DFFA: variants seen among roughly 807,000 people sequenced by gnomAD.
DFFA encodes DNA fragmentation factor subunit alpha, also known as DFF45.
Under a neutral mutation model 28.0 loss-of-function variants are expected in DFFA, and 14 were observed. The ratio of observed to expected loss-of-function variants is 0.50; its 90% confidence interval spans 0.33 to 0.78. DFFA has a LOEUF of 0.78. Ranked by LOEUF, DFFA falls within the 30% of genes least tolerant of loss-of-function variation. The pLI, the probability that DFFA is intolerant of heterozygous loss-of-function variation, is 0.02. For missense variants in DFFA, 395 were observed against 407.1 expected (o/e 0.97, Z 0.26); for synonymous variants, 158 against 170.3 (o/e 0.93, Z 0.56).
At chr1:10,464,905 G>A (rs1197406986) in intron 3 of DFFA, among the ~76,000 whole-genome samples, 2 of 152,132 alleles carry the variant, frequency 1.3e-5, no homozygotes, top group Admixed American at 6.5e-5. Flanking sequence ...TGGCTTGTTC[G>A]CCACTGCACA....
At position 10,458,369 on chromosome 1, in the gene DFFA, G is replaced by C. The variant is rs1485098335; in HGVS notation, c.*3121C>G. 1 of 152,094 alleles carries C rather than the reference G, an allele frequency of 6.6e-6. No homozygotes were observed. Among genetic ancestry groups the C allele is most frequent in the Non-Finnish European group, 1.5e-5 (1 of 68,026 alleles). 9.4% of individuals were successfully genotyped at this position (152,094 alleles called of 1,614,324 possible). A position where few individuals can be genotyped will look rare whatever the true frequency, so the allele number is the denominator to read the frequency against. On this transcript the variant is annotated 3_prime_UTR_variant, in exon 6 of 6. Transcript: ENST00000377038. ...TAATTAAGGAGGCATTACAAAATAAGCTATAAAAAAGGAAATGTTGGGGTG... is the reference window on the plus strand; with the variant it reads ...TAATTAAGGAGGCATTACAAAATAACCTATAAAAAAGGAAATGTTGGGGTG...
At position 10,461,201 on chromosome 1, in the gene DFFA, C is replaced by A; in HGVS notation, c.*289G>T. 1 of 345,252 alleles carries A rather than the reference C, an allele frequency of 2.9e-6. No individual in the cohort carries two copies. 21.4% of individuals were successfully genotyped at this position (345,252 alleles called of 1,614,324 possible). ...GGGATTACAGGCGTGAGCCACTGCG[C>A]CTGGCCAATCACTGCCAATTACTTT... On this transcript the variant is annotated 3_prime_UTR_variant, in exon 6 of 6. Coordinates refer to ENST00000377038, the MANE Select transcript of DFFA (RefSeq NM_004401.3).
In DFFA at chr1:10,459,666, G is replaced by A. The variant is rs988570749; in HGVS notation, c.*1824C>T. On this transcript the variant is annotated 3_prime_UTR_variant, in exon 6 of 6. Coordinates refer to ENST00000377038, the MANE Select transcript of DFFA (RefSeq NM_004401.3). ...TTAAAATTCTGCCGTACTATCTTCAGAATAAGGATAATGAATTGGAAATAC... is the reference window on the plus strand; with the variant it reads ...TTAAAATTCTGCCGTACTATCTTCAAAATAAGGATAATGAATTGGAAATAC... The A allele has an allele frequency of 6.7e-6, 1 of 150,016 alleles. No homozygotes were observed. Among genetic ancestry groups the A allele is most frequent in the Non-Finnish European group, 1.5e-5 (1 of 67,764 alleles). The allele number at this position is 150,016 out of a possible 1,614,324, so 9.3% of individuals were successfully genotyped here. A position where few individuals can be genotyped will look rare whatever the true frequency, so the allele number is the denominator to read the frequency against.
At chr1:10,463,407 G>T in intron 4 of DFFA, 24 bp downstream of exon 4, 1 of 1,592,790 alleles carries the variant, frequency 6.3e-7, no homozygotes, top group South Asian at 1.1e-5. Flanking sequence ...TTCTCAGAGT[G>T]ACTCTGCCTG....
rs375755872 is a variant in DFFA at position 10,463,536 on chromosome 1, G to A, written c.526C>T (p.Gln176Ter). 22 of 1,614,208 alleles carry A rather than the reference G, an allele frequency of 1.4e-5. No individual in the cohort carries two copies. The African/African-American group carries it at 2.5e-4, about 19-fold the overall frequency. ...ATVQRLQHTL[Q>*]QVLDQREEVR... ...TCCTCTCTTTGGTCAAGCACCTGTT[G>A]GAGTGTGTGCTGCAGCCGCTGGACG... Residue 176 changes from glutamine (Q) to a stop codon, truncating the protein, a stop_gained, in exon 4 of 6, where the codon CAA becomes TAA. Transcript: ENST00000377038. LOFTEE classifies it high-confidence loss of function.
intron 2 of DFFA, among the ~76,000 whole-genome samples, chr1:10,467,545 C>T (rs931568669): frequency 7.3e-5 from 11 of 151,170 alleles, no homozygotes; most frequent in Non-Finnish European, 1.5e-4. Flanking sequence ...GAGTCTCACT[C>T]TGTTGCCCAG....
In DFFA at chr1:10,472,247, A is replaced by C. The variant is rs1570113524; in HGVS notation, c.136+76T>G. On this transcript the variant is annotated intron_variant, in intron 1 of 5. Transcript: ENST00000377038. The surrounding 1 kb of genome is among the most constrained non-coding windows in gnomAD (Gnocchi z 5.0). Reference sequence around the variant, plus strand: ...AAGAATCCCCAAGTCGCCTCTCCTGACCCCGCCTCGCCCCCGCCGGACGTC... The same window carrying C: ...AAGAATCCCCAAGTCGCCTCTCCTGCCCCCGCCTCGCCCCCGCCGGACGTC... 2 of 1,469,438 alleles carry C rather than the reference A, an allele frequency of 1.4e-6. No individual in the cohort carries two copies. Among genetic ancestry groups the C allele is most frequent in the Non-Finnish European group, 1.8e-6 (2 of 1,103,450 alleles). 91.0% of individuals were successfully genotyped at this position (1,469,438 alleles called of 1,614,324 possible).
chr1:10,462,798 G>C, intron 5 of DFFA: 1 of 1,334,390 alleles, frequency 7.5e-7, no homozygotes, highest in East Asian at 3.0e-5. Context: ...ATTCCTCCCT[G>C]TCAGGAACAG....
intron 3 of DFFA, among the ~76,000 whole-genome samples, chr1:10,465,888 A>C (rs1304528667): frequency 1.3e-5 from 2 of 151,838 alleles, no homozygotes; most frequent in Non-Finnish European, 2.9e-5. Flanking sequence ...TTACCACATC[A>C]AACTCCTGAA....
At position 10,459,918 on chromosome 1, in the gene DFFA, T is replaced by C. The variant is rs1395034040; in HGVS notation, c.*1572A>G. On this transcript the variant is annotated 3_prime_UTR_variant, in exon 6 of 6. Coordinates refer to ENST00000377038, the MANE Select transcript of DFFA (RefSeq NM_004401.3). The stretch of plus-strand genomic sequence containing the variant: ...TTTTTGTAGAGACAGGGTCTTGCTA[T>C]GTTGCCTAAGCTGACAATTACTTTA... 2 of 152,016 alleles carry C rather than the reference T, an allele frequency of 1.3e-5. No homozygotes were observed. Among genetic ancestry groups the C allele is most frequent in the East Asian group, 1.9e-4 (1 of 5,154 alleles). 9.4% of individuals were successfully genotyped at this position (152,016 alleles called of 1,614,324 possible). A position where few individuals can be genotyped will look rare whatever the true frequency, so the allele number is the denominator to read the frequency against.
Position 10,461,475 on chromosome 1 carries a change from C to T in DFFA, c.*15G>A, listed in dbSNP as rs1640937618. On this transcript the variant is annotated 3_prime_UTR_variant, in exon 6 of 6. Coordinates refer to ENST00000377038, the MANE Select transcript of DFFA (RefSeq NM_004401.3). ...ACAACGCCACAGAGCTTCCTTGGCA[C>T]ACTTCCCGCTGCTGCTATGTGGGAT... 1.4e-5 allele frequency: 22 copies of T among 1,609,692 alleles called. No individual in the cohort carries two copies. The highest frequency in any genetic ancestry group is 2.7e-5 in the African/African-American group (2 of 74,894).
In DFFA at chr1:10,457,893, GTC is replaced by G. The variant is rs1360207257; in HGVS notation, c.*3595_*3596del. On this transcript the variant is annotated 3_prime_UTR_variant, in exon 6 of 6. Coordinates refer to ENST00000377038, the MANE Select transcript of DFFA (RefSeq NM_004401.3). The stretch of plus-strand genomic sequence containing the variant: ...AGACGAGTCAACGAACGCTCTGTGT[GTC>G]TAACAGAAATAAAATATTCTGGCTG... The G allele has an allele frequency of 7.7e-6, 1 of 130,450 alleles. No homozygotes were observed. Among genetic ancestry groups the G allele is most frequent in the African/African-American group, 2.8e-5 (1 of 35,612 alleles). 8.1% of individuals were successfully genotyped at this position (130,450 alleles called of 1,614,324 possible).
At chr1:10,462,051 G>A (rs1295059941) in intron 5 of DFFA, among the ~76,000 whole-genome samples, 2 of 152,160 alleles carry the variant, frequency 1.3e-5, no homozygotes, top group Non-Finnish European at 2.9e-5. Context: ...GTAGAGACGG[G>A]GTTTCACCGT....
At chr1:10,462,415 A>G (rs1640961523) in intron 5 of DFFA, 3 of 987,336 alleles carry the variant, frequency 3.0e-6, no homozygotes, top group Non-Finnish European at 3.6e-6. Flanking sequence ...TAACAGGCGT[A>G]AGCCACTGTG....
Position 10,458,286 on chromosome 1 carries a change from A to T in DFFA, c.*3204T>A, listed in dbSNP as rs1431441995. On this transcript the variant is annotated 3_prime_UTR_variant, in exon 6 of 6. Coordinates refer to ENST00000377038, the MANE Select transcript of DFFA (RefSeq NM_004401.3). ...CCTGAAACAGTACATCTGGGGCATT[A>T]TATTAATGCTTCTGTATGAGTGTAG... 6.6e-6 allele frequency: 1 copy of T among 152,202 alleles called. No individual in the cohort carries two copies. The highest frequency in any genetic ancestry group is 1.5e-5 in the Non-Finnish European group (1 of 68,050). The allele number at this position is 152,202 out of a possible 1,614,324, so 9.4% of individuals were successfully genotyped here.
intron 5 of DFFA, chr1:10,462,730 T>C (rs1640965171): frequency 1.7e-6 from 2 of 1,159,720 alleles, no homozygotes; most frequent in South Asian, 2.5e-5. Flanking sequence ...GGACGGACTA[T>C]AGATCTTCTC....
At chr1:10,467,847 A>G (rs1641044190) in intron 2 of DFFA, among the ~76,000 whole-genome samples, 2 of 152,106 alleles carry the variant, frequency 1.3e-5, no homozygotes, top group South Asian at 2.1e-4. Context: ...ACGGCTCTGT[A>G]TTCTTCCATA....
rs756313388 is a variant in DFFA at position 10,458,501 on chromosome 1, T to C, written c.*2989A>G. 1 of 151,908 alleles carries C rather than the reference T, an allele frequency of 6.6e-6. No homozygotes were observed. The highest frequency in any genetic ancestry group is 1.5e-5 in the Non-Finnish European group (1 of 67,988). 9.4% of individuals were successfully genotyped at this position (151,908 alleles called of 1,614,324 possible). Reference sequence around the variant, plus strand: ...GTTTTTGTTCTATTTAATTGTTTTCTGTACCCCCATCTTTACCCTAGGACT... The same window carrying C: ...GTTTTTGTTCTATTTAATTGTTTTCCGTACCCCCATCTTTACCCTAGGACT... On this transcript the variant is annotated 3_prime_UTR_variant, in exon 6 of 6. Coordinates refer to ENST00000377038, the MANE Select transcript of DFFA (RefSeq NM_004401.3).
chr1:10,472,323 C>T lies in DFFA; in HGVS notation c.136G>A (p.Ala46Thr), dbSNP rs1473304107. The T allele has an allele frequency of 6.3e-7, 1 of 1,595,890 alleles. No individual in the cohort carries two copies. The highest frequency in any genetic ancestry group is 8.6e-7 in the Non-Finnish European group (1 of 1,169,030). The change falls in exon 1 of 6, where the codon GCC becomes ACC. Residue 46 changes from alanine to threonine, a missense_variant and splice_region_variant. By Grantham distance (58) the Ala-to-Thr change is moderately conservative. Coordinates refer to ENST00000377038, the MANE Select transcript of DFFA (RefSeq NM_004401.3). The surrounding 1 kb of genome is among the most constrained non-coding windows in gnomAD (Gnocchi z 5.0). ...ASCLEDLRSK[A>T]CDILAIDKSL... ...CCCTCGCCCGGGGTCCCGAGCCAAC[C>T]CTTGCTCCTCAGGTCTTCGAGGCAG... is the stretch of plus-strand genomic sequence containing the variant.
Sources: allele counts gnomAD v4.1 joint callset (sites outside exome capture counted in the v4.1 genomes callset), GRCh38; gene constraint gnomAD v4.1.1; non-coding constraint Gnocchi (gnomAD v3.1); transcripts MANE v1.5; gene names NCBI Gene and HGNC (gene_info 2026-07-23, HGNC 2026-07-21).